The following EYS variants were observed in gnomAD, a reference collection of about 807,000 sequenced individuals.
The protein encoded by EYS is protein eyes shut homolog.
EYS carries 250 observed loss-of-function variants against 282.1 expected under a neutral mutation model. The observed-to-expected ratio is 0.89, with a 90% CI of 0.80 to 0.98. The LOEUF (loss-of-function observed/expected upper bound fraction) is 0.98, where lower values mean the gene tolerates loss of function less well. Ranked by LOEUF, EYS falls within the 50% of genes least tolerant of loss-of-function variation. The pLI is 0.00. For missense variants in EYS, 4,016 were observed against 3,709.0 expected (o/e 1.08, Z -2.15); for synonymous variants, 1,355 against 1,282.9 (o/e 1.06, Z -1.20).
At chr6:65,601,851 A>G (rs1345119260) in intron 2 of EYS, among the ~76,000 whole-genome samples, 1 of 151,990 alleles carries the variant, frequency 6.6e-6, no homozygotes, top group Non-Finnish European at 1.5e-5. Context: ...AACTTTGTAA[A>G]TAGAAATATC....
chr6:64,842,848 A>C (rs1765604330), intron 19 of EYS, among the ~76,000 whole-genome samples: 1 of 152,154 alleles, frequency 6.6e-6, no homozygotes, highest in African/African-American at 2.4e-5. Context: ...GAAACAGTGC[A>C]TAAAAGTTCA....
intron 36 of EYS, among the ~76,000 whole-genome samples, chr6:63,824,949 C>T (rs1430709252): frequency 6.6e-6 from 1 of 152,208 alleles, no homozygotes; most frequent in Non-Finnish European, 1.5e-5. Flanking sequence ...GCAGAGTTCA[C>T]AAGCAGGGGA....
chr6:65,286,466 T>G (rs1768368400), intron 12 of EYS, among the ~76,000 whole-genome samples: 1 of 151,764 alleles, frequency 6.6e-6, no homozygotes, highest in African/African-American at 2.4e-5. Flanking sequence ...ATTAAATTTT[T>G]AAAAATACAT....
chr6:65,227,279 C>T (rs1766652724), intron 12 of EYS, among the ~76,000 whole-genome samples: 1 of 151,674 alleles, frequency 6.6e-6, no homozygotes, highest in Non-Finnish European at 1.5e-5. Flanking sequence ...TATGCAAATT[C>T]AGAGATGGAA....
intron 6 of EYS, among the ~76,000 whole-genome samples, chr6:65,403,075 A>G (rs535329447): frequency 4.9e-4 from 75 of 152,222 alleles, no homozygotes; most frequent in Non-Finnish European, 9.7e-4. Flanking sequence ...AAAACCTTCA[A>G]GATGAAGTCC....
chr6:64,572,670 A>G (rs1469732449), intron 26 of EYS, among the ~76,000 whole-genome samples: 2 of 152,200 alleles, frequency 1.3e-5, no homozygotes, highest in African/African-American at 4.8e-5. Context: ...TCCCATTCAC[A>G]ATTGCTACAA....
chr6:65,372,327 T>C (rs1176026149), intron 8 of EYS, among the ~76,000 whole-genome samples: 4 of 152,024 alleles, frequency 2.6e-5, no homozygotes, highest in South Asian at 2.1e-4. Context: ...AACCAGAAAG[T>C]GCATTTCTAA....
intron 5 of EYS, among the ~76,000 whole-genome samples, chr6:65,413,454 G>C (rs1422575089): frequency 6.6e-6 from 1 of 152,008 alleles, no homozygotes; most frequent in African/African-American, 2.4e-5. Context: ...ATCAGTAAAA[G>C]GATTTCTAAG....
At position 64,549,744 on chromosome 6, in the gene EYS, T is replaced by TC. The variant is rs1765006564; in HGVS notation, c.5644+40478_5644+40479insG. 3.6e-5 allele frequency among the ~76,000 whole-genome samples: 5 copies of TC among 140,346 alleles called. No individual in the cohort carries two copies. The South Asian group carries it at 1.1e-3, about 30-fold the overall frequency. 92.1% of individuals were successfully genotyped at this position (140,346 alleles called of 152,430 possible). ...ACAGCACATGAAATCTTTTTTTTTTTTTTTTTTATACTTTAAGTTTTACGG... is the reference window on the plus strand; with the variant it reads ...ACAGCACATGAAATCTTTTTTTTTTTCTTTTTTTATACTTTAAGTTTTACGG... On this transcript the variant is annotated intron_variant, in intron 26 of 42. Coordinates refer to ENST00000503581, the MANE Select transcript of EYS (RefSeq NM_001142800.2).
rs75364477 is a variant in EYS, at chr6:65,409,291, T to C, written c.863-3924A>G. Among the ~76,000 whole-genome samples, 506 of 152,252 alleles carry C rather than the reference T, an allele frequency of 3.3e-3. 1 individual carries two copies. The highest frequency in any genetic ancestry group is 4.1e-3 in the South Asian group (20 of 4,824). On this transcript the variant is annotated intron_variant, in intron 5 of 42. Transcript: ENST00000503581. ...TGCAAATAGAGTTAACAAACTAGTATTATTAAGGCCCAAGCCTGGGGTACC... is the reference window on the plus strand; with the variant it reads ...TGCAAATAGAGTTAACAAACTAGTACTATTAAGGCCCAAGCCTGGGGTACC...
At chr6:65,106,939 A>T (rs1218944315) in intron 12 of EYS, among the ~76,000 whole-genome samples, 1 of 152,016 alleles carries the variant, frequency 6.6e-6, no homozygotes, top group African/African-American at 2.4e-5. Flanking sequence ...AAAGAACTTA[A>T]TATTATTTAT....
At chr6:64,373,065 T>C (rs1444808618) in intron 29 of EYS, among the ~76,000 whole-genome samples, 1 of 152,220 alleles carries the variant, frequency 6.6e-6, no homozygotes, top group African/African-American at 2.4e-5. Context: ...TTCTGACATT[T>C]CAGCCATTTT....
At chr6:63,922,227 A>G (rs891366899) in intron 35 of EYS, among the ~76,000 whole-genome samples, 1 of 152,210 alleles carries the variant, frequency 6.6e-6, no homozygotes, top group African/African-American at 2.4e-5. Flanking sequence ...GCTGGCTAAT[A>G]CATTTAGATT....
chr6:65,631,169 AATG>A (rs1355894932), intron 2 of EYS, among the ~76,000 whole-genome samples: 1 of 152,164 alleles, frequency 6.6e-6, no homozygotes, highest in African/African-American at 2.4e-5. Flanking sequence ...TTTTGGTGAC[AATG>A]AAGACAGATG....
At chr6:64,063,238 C>T (rs1409377951) in intron 33 of EYS, among the ~76,000 whole-genome samples, 1 of 152,180 alleles carries the variant, frequency 6.6e-6, no homozygotes, top group Non-Finnish European at 1.5e-5. Flanking sequence ...CAGATCCCTT[C>T]TCTGACCTTT....
chr6:65,296,511 T>A (rs1768669899), intron 11 of EYS, among the ~76,000 whole-genome samples: 1 of 151,702 alleles, frequency 6.6e-6, no homozygotes. Flanking sequence ...AAAATCACAA[T>A]TACTTTTGTC....
chr6:65,331,726 T>C (rs929425354), intron 11 of EYS: 49 of 981,186 alleles, frequency 5.0e-5, no homozygotes, highest in African/African-American at 7.0e-5. Context: ...CATTGTTTCA[T>C]TAAACAAGTA....
chr6:65,107,295 ATT>A (rs34176335), intron 12 of EYS, among the ~76,000 whole-genome samples: 8,039 of 134,732 alleles, frequency 0.06, 632 homozygotes, highest in African/African-American at 0.19. Flanking sequence ...TCTGGGTTGC[ATT>A]TTTTTTTTTT....
At chr6:64,168,130 G>A (rs1055521148) in intron 31 of EYS, among the ~76,000 whole-genome samples, 2 of 152,108 alleles carry the variant, frequency 1.3e-5, no homozygotes, top group African/African-American at 2.4e-5. Context: ...AGCGTGGTGC[G>A]GAGGCCTGTA....
Sources: allele counts gnomAD v4.1 joint callset (sites outside exome capture counted in the v4.1 genomes callset), GRCh38; gene constraint gnomAD v4.1.1; transcripts MANE v1.5; gene names NCBI Gene and HGNC (gene_info 2026-07-23, HGNC 2026-07-21).